The following VAV2 variants were observed in gnomAD, a reference collection of about 807,000 sequenced individuals.
The protein encoded by VAV2 is vav guanine nucleotide exchange factor 2, also known as guanine nucleotide exchange factor VAV2.
Under a neutral mutation model 132.5 loss-of-function variants are expected in VAV2, and 67 were observed. The observed-to-expected ratio is 0.51, with a 90% CI of 0.42 to 0.62. VAV2 has a LOEUF of 0.62. VAV2 is among the 20% of genes least tolerant of loss of function. The probability of loss-of-function intolerance (pLI) is 0.00; values close to 1 mark genes in which losing one functional copy is unlikely to be tolerated. For missense variants in VAV2, 938 were observed against 1,153.6 expected, an observed-to-expected ratio of 0.81 and a Z score of 2.71; for synonymous variants, 492 against 443.5, an observed-to-expected ratio of 1.11 and a Z score of -1.37.
At chr9:133,780,180 C>T (rs558280781) in intron 20 of VAV2, 14 of 553,456 alleles carry the variant, frequency 2.5e-5, no homozygotes, top group East Asian at 1.3e-4. Flanking sequence ...CTCCTTACCA[C>T]GGGCCCCCAC....
chr9:133,957,037 C>T (rs1480161810), intron 1 of VAV2, among the ~76,000 whole-genome samples: 1 of 152,182 alleles, frequency 6.6e-6, no homozygotes, highest in African/African-American at 2.4e-5. Flanking sequence ...CCCACCTGCC[C>T]GGGGTACCCA....
intron 2 of VAV2, among the ~76,000 whole-genome samples, chr9:133,937,820 G>T (rs2789846): frequency 1.3e-5 from 2 of 152,126 alleles, no homozygotes; most frequent in African/African-American, 4.8e-5. Flanking sequence ...CTCCCAGGCA[G>T]GTGCGCTGCT....
At chr9:133,917,382 A>G (rs1277311636) in intron 2 of VAV2, among the ~76,000 whole-genome samples, 1 of 152,014 alleles carries the variant, frequency 6.6e-6, no homozygotes, top group Non-Finnish European at 1.5e-5. Flanking sequence ...GTCAAGCTGA[A>G]TATTTTTTGA....
At chr9:133,856,444 T>C (rs1478963913) in intron 3 of VAV2, among the ~76,000 whole-genome samples, 1 of 151,338 alleles carries the variant, frequency 6.6e-6, no homozygotes, top group Non-Finnish European at 1.5e-5. Flanking sequence ...CGGGACCCCA[T>C]GCTGGTATGT....
At chr9:133,780,754 G>A (rs898924002) in intron 19 of VAV2, 44 bp from the exon 20 acceptor site, 10 of 1,262,066 alleles carry the variant, frequency 7.9e-6, no homozygotes, top group South Asian at 3.6e-5. Context: ...GGCCACCGAC[G>A]CCAAGGCCCC....
chr9:133,940,694 T>TGTGTGTGC (rs1424347575), intron 1 of VAV2, among the ~76,000 whole-genome samples: 2 of 125,452 alleles, frequency 1.6e-5, no homozygotes, highest in Non-Finnish European at 3.6e-5. Context: ...TGTGTGTGTG[T>TGTGTGTGC]GTGTGTGTGT....
chr9:133,899,535 A>G (rs141467021), intron 2 of VAV2, among the ~76,000 whole-genome samples: 97 of 151,656 alleles, frequency 6.4e-4, no homozygotes, highest in African/African-American at 2.1e-3. Flanking sequence ...TAGCCTCCCA[A>G]GTAGCAAGAA....
At chr9:133,786,853 T>G in intron 16 of VAV2, among the ~76,000 whole-genome samples, 1 of 150,968 alleles carries the variant, frequency 6.6e-6, no homozygotes, top group East Asian at 1.9e-4. Flanking sequence ...AAGGGAGGGA[T>G]GGAGAGGGGA....
intron 4 of VAV2, among the ~76,000 whole-genome samples, chr9:133,813,043 CT>C (rs1262444472): frequency 1.3e-5 from 2 of 152,226 alleles, no homozygotes; most frequent in Non-Finnish European, 2.9e-5. Flanking sequence ...CACACCTGAC[CT>C]GCTGGGGCTC....
At position 133,796,415 on chromosome 9, in the gene VAV2, G is replaced by A; in HGVS notation, c.1032+14C>T. 1.2e-6 allele frequency: 2 copies of A among 1,610,566 alleles called. No homozygotes were observed. The highest frequency in any genetic ancestry group is 1.1e-5 in the South Asian group (1 of 90,316). On this transcript the variant is annotated intron_variant, in intron 11 of 29. Transcript: ENST00000371850. Reference sequence around the variant, plus strand: ...AGTGATGACCCCGCAGGCACCCGGGGCCCAGAGCCTCACCTTCAAGAGCAG... The same window carrying A: ...AGTGATGACCCCGCAGGCACCCGGGACCCAGAGCCTCACCTTCAAGAGCAG...
intron 3 of VAV2, among the ~76,000 whole-genome samples, chr9:133,839,219 G>C (rs1262193026): frequency 6.6e-6 from 1 of 152,038 alleles, no homozygotes; most frequent in Non-Finnish European, 1.5e-5. Flanking sequence ...TGGGTTGTCG[G>C]GTGGCTGGAT....
Position 133,769,277 on chromosome 9 carries a change from T to C in VAV2, c.2434+140A>G. 1.1e-6 allele frequency: 1 copy of C among 928,020 alleles called. No individual in the cohort carries two copies. The allele number at this position is 928,020 out of a possible 1,614,324, so 57.5% of individuals were successfully genotyped here. A position where few individuals can be genotyped will look rare whatever the true frequency, so the allele number is the denominator to read the frequency against. On this transcript the variant is annotated intron_variant, in intron 28 of 29. Coordinates refer to ENST00000371850, the MANE Select transcript of VAV2 (RefSeq NM_001134398.2). The surrounding 1 kb of genome is among the most constrained non-coding windows in gnomAD (Gnocchi z 8.1). ...CTGCCCGGCCTCCCCAGCCCCTTTC[T>C]CCCCTCCACCCAGTGCCAGACTGCG...
intron 4 of VAV2, among the ~76,000 whole-genome samples, chr9:133,827,184 C>A (rs941381946): frequency 1.3e-5 from 2 of 150,782 alleles, no homozygotes; most frequent in Admixed American, 6.6e-5. Context: ...GCTGCGCCCA[C>A]TGGGGCTGAC....
At chr9:133,965,654 A>C (rs892625255) in intron 1 of VAV2, among the ~76,000 whole-genome samples, 3 of 152,224 alleles carry the variant, frequency 2.0e-5, no homozygotes, top group African/African-American at 7.2e-5. Flanking sequence ...AAAATGGAAG[A>C]CATCCCATGT....
chr9:133,914,810 G>GC (rs1840014480), intron 2 of VAV2, among the ~76,000 whole-genome samples: 2 of 129,834 alleles, frequency 1.5e-5, no homozygotes, highest in Non-Finnish European at 1.7e-5. Flanking sequence ...GGGGAAGGGA[G>GC]AAGGGGAGGG....
Position 133,935,819 on chromosome 9 carries a change from G to A in VAV2, c.321+3284C>T, listed in dbSNP as rs1383011395. The stretch of plus-strand genomic sequence containing the variant: ...CTGGCGGGGCCGAGGCCAGGCCCAC[G>A]CTGAAGGGCAAGTGCGGGTTCCGGC... On this transcript the variant is annotated intron_variant, in intron 2 of 29. Coordinates refer to ENST00000371850, the MANE Select transcript of VAV2 (RefSeq NM_001134398.2). The surrounding 1 kb of genome is among the most constrained non-coding windows in gnomAD (Gnocchi z 5.2). 1.3e-5 allele frequency among the ~76,000 whole-genome samples: 2 copies of A among 152,194 alleles called. No homozygotes were observed. Among genetic ancestry groups the A allele is most frequent in the Non-Finnish European group, 1.5e-5 (1 of 68,034 alleles).
rs372522842 is a variant in VAV2 at position 133,774,811 on chromosome 9, T to C, written c.2135+124A>G. On this transcript the variant is annotated intron_variant, in intron 25 of 29. Coordinates refer to ENST00000371850, the MANE Select transcript of VAV2 (RefSeq NM_001134398.2). ...CACCGCTTTCATCTCAATAATGTCC[T>C]CACTTGGCAACAGATGACATGTCCA... 158 of 857,726 alleles carry C rather than the reference T, an allele frequency of 1.8e-4. No individual in the cohort carries two copies. In the African/African-American group the frequency reaches 2.3e-3, roughly 13 times the overall value. 53.1% of individuals were successfully genotyped at this position (857,726 alleles called of 1,614,324 possible). A position where few individuals can be genotyped will look rare whatever the true frequency, so the allele number is the denominator to read the frequency against.
At chr9:133,905,433 C>CAA (rs5901029) in intron 2 of VAV2, among the ~76,000 whole-genome samples, 34 of 113,286 alleles carry the variant, frequency 3.0e-4, no homozygotes, top group African/African-American at 1.1e-3. Flanking sequence ...GAAACTGTCT[C>CAA]AAAAAAAAAA....
At chr9:133,827,119 C>A (rs1282623378) in intron 4 of VAV2, among the ~76,000 whole-genome samples, 4 of 152,204 alleles carry the variant, frequency 2.6e-5, no homozygotes, top group Non-Finnish European at 5.9e-5. Context: ...CAGGCCAGAG[C>A]AATCAGAGAG....
Sources: allele counts gnomAD v4.1 joint callset (sites outside exome capture counted in the v4.1 genomes callset), GRCh38; gene constraint gnomAD v4.1.1; non-coding constraint Gnocchi (gnomAD v3.1); transcripts MANE v1.5; gene names NCBI Gene and HGNC (gene_info 2026-07-23, HGNC 2026-07-21).